TAS2R1: variants seen among roughly 807,000 people sequenced by gnomAD.
TAS2R1 encodes the protein taste receptor type 2 member 1.
For missense variants in TAS2R1, 370 were observed against 353.4 expected, an observed-to-expected ratio of 1.05 and a Z score of -0.38; for synonymous variants, 141 against 134.2, an observed-to-expected ratio of 1.05 and a Z score of -0.35.
chr5:9,742,518 T>C, the TAS2R1 span, among the ~76,000 whole-genome samples: 1 of 152,204 alleles, frequency 6.6e-6, no homozygotes, highest in Non-Finnish European at 1.5e-5. Context: ...GGGGAAAACA[T>C]TTCAAAAGGA....
Position 9,630,155 on chromosome 5 carries a change from C to A in TAS2R1, c.-123G>T. 2.6e-6 allele frequency: 2 copies of A among 776,012 alleles called. No individual in the cohort carries two copies. The highest frequency in any genetic ancestry group is 4.0e-6 in the Non-Finnish European group (2 of 502,704). 48.1% of individuals were successfully genotyped at this position (776,012 alleles called of 1,614,324 possible). On this transcript the variant is annotated 5_prime_UTR_variant, in exon 1 of 1. The change abolishes an upstream ATG in the 5' untranslated region. Transcript: ENST00000382492. ...TGGGGAAGAAGACTAACAATAAAGGCATGGGGCAGGAAGGTGGTGTACATT... is the reference window on the plus strand; with the variant it reads ...TGGGGAAGAAGACTAACAATAAAGGAATGGGGCAGGAAGGTGGTGTACATT...
At chr5:9,799,457 T>G in the TAS2R1 span, among the ~76,000 whole-genome samples, 1 of 152,202 alleles carries the variant, frequency 6.6e-6, no homozygotes, top group Non-Finnish European at 1.5e-5. Flanking sequence ...GGATTCACCT[T>G]GAATACCAGC....
At chr5:9,851,696 T>C in the TAS2R1 span, among the ~76,000 whole-genome samples, 1 of 152,146 alleles carries the variant, frequency 6.6e-6, no homozygotes, top group Admixed American at 6.5e-5. Flanking sequence ...AACTGTCCAA[T>C]GGCCAGCAGG....
chr5:9,775,618 A>G, the TAS2R1 span, among the ~76,000 whole-genome samples: 5 of 152,004 alleles, frequency 3.3e-5, no homozygotes, highest in African/African-American at 1.2e-4. Context: ...TTGATTATTC[A>G]GGGCTCAAGG....
the TAS2R1 span, among the ~76,000 whole-genome samples, chr5:9,731,576 C>G: frequency 6.6e-6 from 1 of 152,218 alleles, no homozygotes; most frequent in East Asian, 1.9e-4. Context: ...ATTTGCACAC[C>G]TGCAGTTTCC....
chr5:9,892,112 A>G, the TAS2R1 span, among the ~76,000 whole-genome samples: 6 of 151,844 alleles, frequency 4.0e-5, no homozygotes, highest in African/African-American at 1.5e-4. Context: ...TCTCCCCACA[A>G]TCCCTTTGAC....
At chr5:9,784,812 T>C in the TAS2R1 span, among the ~76,000 whole-genome samples, 6 of 152,208 alleles carry the variant, frequency 3.9e-5, no homozygotes, top group Admixed American at 6.5e-5. Flanking sequence ...TGTCTTTGCA[T>C]GGCCATCTTC....
the TAS2R1 span, among the ~76,000 whole-genome samples, chr5:9,894,733 T>C: frequency 6.6e-6 from 1 of 152,262 alleles, no homozygotes; most frequent in South Asian, 2.1e-4. Context: ...TTATAGACAT[T>C]GGAGACTCCT....
the TAS2R1 span, among the ~76,000 whole-genome samples, chr5:9,768,201 G>T: frequency 6.6e-6 from 1 of 152,132 alleles, no homozygotes; most frequent in Non-Finnish European, 1.5e-5. Flanking sequence ...TCTACCCGAA[G>T]TCTGCACATG....
chr5:9,743,449 C>T, the TAS2R1 span, among the ~76,000 whole-genome samples: 1 of 151,990 alleles, frequency 6.6e-6, no homozygotes, highest in Non-Finnish European at 1.5e-5. Flanking sequence ...AGGTATATCT[C>T]CTAATGCTAT....
chr5:9,628,127 T>TC lies in TAS2R1; in HGVS notation c.*1005_*1006insG, dbSNP rs1265587268. Among the ~76,000 whole-genome samples the TC allele has an allele frequency of 1.5e-5, 2 of 135,838 alleles. No individual in the cohort carries two copies. The highest frequency in any genetic ancestry group is 7.9e-5 in the Admixed American group (1 of 12,692). 89.1% of individuals were successfully genotyped at this position (135,838 alleles called of 152,430 possible). On this transcript the variant is annotated 3_prime_UTR_variant, in exon 1 of 1. Coordinates refer to ENST00000382492, the MANE Select transcript of TAS2R1 (RefSeq NM_019599.3). ...TATACAAGTATATCTATCTCCATAA[T>TC]TTATCTATCTATCTATCTATCTATC...
intron 1 of TAS2R1, among the ~76,000 whole-genome samples, chr5:9,693,631 T>A (rs1215162290): frequency 6.6e-6 from 1 of 151,474 alleles, no homozygotes; most frequent in Non-Finnish European, 1.5e-5. Flanking sequence ...TTTTTTTTTT[T>A]AAATAAAGAG....
At chr5:9,868,003 T>A in the TAS2R1 span, among the ~76,000 whole-genome samples, 43 of 152,338 alleles carry the variant, frequency 2.8e-4, no homozygotes, top group Admixed American at 2.2e-3. Context: ...GTCATTCTGA[T>A]GCAAGAAGTG....
the TAS2R1 span, among the ~76,000 whole-genome samples, chr5:9,811,539 C>T: frequency 6.6e-6 from 1 of 152,272 alleles, no homozygotes; most frequent in Non-Finnish European, 1.5e-5. Flanking sequence ...CTGCCTTCTC[C>T]ACCTCTTCCT....
chr5:9,897,369 A>G, the TAS2R1 span, among the ~76,000 whole-genome samples: 1 of 152,180 alleles, frequency 6.6e-6, no homozygotes, highest in African/African-American at 2.4e-5. Flanking sequence ...GAATCACTTG[A>G]ACCCAGGAGG....
chr5:9,777,362 T>C, the TAS2R1 span, among the ~76,000 whole-genome samples: 12 of 152,326 alleles, frequency 7.9e-5, no homozygotes, highest in Admixed American at 4.6e-4. Flanking sequence ...TTGCCAGGAG[T>C]AGATTCCCTC....
upstream of TAS2R1, among the ~76,000 whole-genome samples, chr5:9,713,478 C>G (rs545173826): frequency 6.6e-6 from 1 of 152,236 alleles, no homozygotes; most frequent in East Asian, 1.9e-4. Context: ...CTCCCACCCC[C>G]CACTGCTTTG....
chr5:9,682,382 GA>G (rs1741010449), intron 1 of TAS2R1, among the ~76,000 whole-genome samples: 1 of 152,138 alleles, frequency 6.6e-6, no homozygotes, highest in South Asian at 2.1e-4. Flanking sequence ...TCTGCTCTTG[GA>G]AAACCTAAGG....
intron 1 of TAS2R1, among the ~76,000 whole-genome samples, chr5:9,686,215 T>C (rs982176252): frequency 6.6e-6 from 1 of 152,162 alleles, no homozygotes; most frequent in African/African-American, 2.4e-5. Flanking sequence ...CACAAGATCT[T>C]CATTTATTAT....
Sources: allele counts gnomAD v4.1 joint callset (sites outside exome capture counted in the v4.1 genomes callset), GRCh38; gene constraint gnomAD v4.1.1; transcripts MANE v1.5; gene names NCBI Gene and HGNC (gene_info 2026-07-23, HGNC 2026-07-21).